The following DNAJC2 variants were observed in gnomAD, a reference collection of about 807,000 sequenced individuals.
DNAJC2 encodes dnaJ homolog subfamily C member 2.
In DNAJC2, 32 loss-of-function variants were observed where a neutral mutation model predicts 94.0. That is an observed-to-expected ratio of 0.34 (90% CI 0.26 to 0.46). The LOEUF is 0.46. DNAJC2 is among the 20% of genes least tolerant of loss of function. The pLI is 1.00. For missense variants in DNAJC2, 550 were observed against 719.5 expected (o/e 0.76, Z 2.69); for synonymous variants, 210 against 229.7 (o/e 0.91, Z 0.77).
chr7:103,338,141 G>A (rs909754844), intron 2 of DNAJC2, among the ~76,000 whole-genome samples: 1 of 151,994 alleles, frequency 6.6e-6, no homozygotes, highest in East Asian at 1.9e-4. Flanking sequence ...GTGGTGGTGT[G>A]CACCTGTAGT....
intron 1 of DNAJC2, among the ~76,000 whole-genome samples, chr7:103,343,019 G>A (rs1819444902): frequency 6.6e-6 from 1 of 151,776 alleles, no homozygotes; most frequent in Non-Finnish European, 1.5e-5. Flanking sequence ...TATTTTTTGA[G>A]ACGGAGTTTT....
chr7:103,320,526 C>T (rs901767487), intron 10 of DNAJC2, among the ~76,000 whole-genome samples: 1 of 151,568 alleles, frequency 6.6e-6, no homozygotes, highest in South Asian at 2.1e-4. Flanking sequence ...TTTGGGAGGC[C>T]GAGGCAGGCG....
intron 3 of DNAJC2, among the ~76,000 whole-genome samples, chr7:103,331,124 T>C (rs1818952256): frequency 6.6e-6 from 1 of 151,828 alleles, no homozygotes; most frequent in Non-Finnish European, 1.5e-5. Flanking sequence ...GCTCAGCTAA[T>C]TTTTGTATTT....
In DNAJC2 at chr7:103,322,621, T is replaced by TG; in HGVS notation, c.822dup (p.Ser275GlnfsTer3). ...AACTTTTTTATCCTTGGATCACAGC[T>TG]GTATGCATTGTCTAGCAAAAGAAAA... is the stretch of plus-strand genomic sequence containing the variant. On this transcript the variant is annotated frameshift_variant, in exon 9 of 17. Transcript: ENST00000379263. LOFTEE classifies it high-confidence loss of function. 1 of 1,613,184 alleles carries TG rather than the reference T, an allele frequency of 6.2e-7. No individual in the cohort carries two copies. Among genetic ancestry groups the TG allele is most frequent in the Non-Finnish European group, 8.5e-7 (1 of 1,179,762 alleles).
chr7:103,338,348 G>A (rs554478263), intron 2 of DNAJC2, among the ~76,000 whole-genome samples: 1 of 150,086 alleles, frequency 6.7e-6, no homozygotes, highest in Non-Finnish European at 1.5e-5. Flanking sequence ...CCAGGCTGGA[G>A]TGCAGTGGTG....
chr7:103,341,990 T>A, intron 1 of DNAJC2, 36 bp from the exon 2 acceptor site: 2 of 1,448,302 alleles, frequency 1.4e-6, no homozygotes, highest in Non-Finnish European at 9.2e-7. Context: ...CTTCAGTGTA[T>A]CGCATGGAAT....
intron 1 of DNAJC2, among the ~76,000 whole-genome samples, chr7:103,342,497 G>T (rs1819411473): frequency 6.6e-6 from 1 of 151,726 alleles, no homozygotes; most frequent in Admixed American, 6.6e-5. Flanking sequence ...TAGAGATGGG[G>T]TTTCTCCATG....
intron 3 of DNAJC2, among the ~76,000 whole-genome samples, chr7:103,334,818 T>C (rs1819103634): frequency 6.6e-6 from 1 of 152,056 alleles, no homozygotes. Flanking sequence ...TCAGAAACAG[T>C]GACAAATATT....
Position 103,315,798 on chromosome 7 carries a change from T to C in DNAJC2, c.1602A>G (p.Gln534=). The C allele has an allele frequency of 1.2e-6, 2 of 1,613,898 alleles. No homozygotes were observed. Among genetic ancestry groups the C allele is most frequent in the South Asian group, 2.2e-5 (2 of 91,030 alleles). Residue 534 remains glutamine (Q), a synonymous_variant, in exon 15 of 17, where the codon CAA becomes CAG. Transcript: ENST00000379263. Reference sequence around the variant, plus strand: ...GTTCTGAAGGCGTTGCGTTGTCTGCTTGAGGTACCACTCCATGTTCTTTTT... The same window carrying C: ...GTTCTGAAGGCGTTGCGTTGTCTGCCTGAGGTACCACTCCATGTTCTTTTT... ...KFKKEHGVVP[Q]ADNATPSERF... is the part of the protein sequence containing the mutation.
intron 15 of DNAJC2, chr7:103,313,360 C>A: frequency 8.8e-7 from 1 of 1,140,360 alleles, no homozygotes; most frequent in South Asian, 3.9e-5. Flanking sequence ...CTGTTTATCT[C>A]TTAAAAATCA....
chr7:103,325,879 A>G (rs1484325310), intron 5 of DNAJC2, among the ~76,000 whole-genome samples: 1 of 152,180 alleles, frequency 6.6e-6, no homozygotes, highest in African/African-American at 2.4e-5. Flanking sequence ...TCAACTGACA[A>G]TGAGTCAGAG....
chr7:103,327,690 T>C lies in DNAJC2; in HGVS notation c.396A>G (p.Glu132=). The change falls in exon 4 of 17, where the codon GAA becomes GAG. Residue 132 remains glutamate (E), a synonymous_variant. Coordinates refer to ENST00000379263, the MANE Select transcript of DNAJC2 (RefSeq NM_014377.3). The part of the protein sequence containing the change: ...KRKAAGEPIK[E]GDNDYFTCIT... ...TGCAAGTGAAGTAGTCATTATCTCC[T>C]TCTTTTATTGGTTCACCAGCTGCTT... 6.2e-7 allele frequency: 1 copy of C among 1,613,202 alleles called. No individual in the cohort carries two copies. The highest frequency in any genetic ancestry group is 8.5e-7 in the Non-Finnish European group (1 of 1,179,402).
Position 103,319,828 on chromosome 7 carries a change from G to A in DNAJC2, c.1100C>T (p.Ser367Phe). Residue 367 changes from serine (S) to phenylalanine (F), a missense_variant, in exon 11 of 17, where the codon TCT becomes TTT. Transcript: ENST00000379263. ...RNSCKTWNHF[S>F]DNEAERVKMM... ...TTTAACCCGCTCTGCCTCATTATCAGAAAAATGATTCCAGGTCTAAAAGCA... is the reference window on the plus strand; with the variant it reads ...TTTAACCCGCTCTGCCTCATTATCAAAAAAATGATTCCAGGTCTAAAAGCA... The A allele has an allele frequency of 6.2e-7, 1 of 1,614,060 alleles. No homozygotes were observed. Among genetic ancestry groups the A allele is most frequent in the Non-Finnish European group, 8.5e-7 (1 of 1,180,012 alleles).
chr7:103,326,262 A>G (rs1328472772), intron 5 of DNAJC2, among the ~76,000 whole-genome samples: 3 of 152,248 alleles, frequency 2.0e-5, no homozygotes, highest in Admixed American at 1.3e-4. Context: ...ACAGGTGTGA[A>G]CCACTGTGCC....
rs1293670582 is a variant in DNAJC2 at position 103,322,743 on chromosome 7, T to C, written c.771A>G (p.Gln257=). The part of the protein sequence containing the change: ...IEKQNRATRA[Q]RKKEEMNRIR... ...TTCTGTTCATTTCTTCTTTTTTTCT[T>C]TGTGCTCTTGTTGCTCTGTTCTGCT... is the stretch of plus-strand genomic sequence containing the variant. The change falls in exon 8 of 17, where the codon CAA becomes CAG. Residue 257 remains glutamine (Q), a synonymous_variant. Coordinates refer to ENST00000379263, the MANE Select transcript of DNAJC2 (RefSeq NM_014377.3). 1 of 1,610,356 alleles carries C rather than the reference T, an allele frequency of 6.2e-7. No individual in the cohort carries two copies. Among genetic ancestry groups the C allele is most frequent in the South Asian group, 1.1e-5 (1 of 91,056 alleles).
intron 3 of DNAJC2, 175 bp downstream of exon 3, chr7:103,337,561 T>G: frequency 1.8e-6 from 1 of 562,108 alleles, no homozygotes; most frequent in Non-Finnish European, 3.1e-6. Flanking sequence ...TGGATTGCTT[T>G]CTTCTGATTC....
At chr7:103,327,316 TA>T in intron 4 of DNAJC2, 1 of 1,260,390 alleles carries the variant, frequency 7.9e-7, no homozygotes, top group Non-Finnish European at 1.0e-6. Context: ...TTCTCATCAT[TA>T]AATAGAACAC....
intron 6 of DNAJC2, 98 bp from the exon 7 acceptor site, chr7:103,323,761 C>T: frequency 2.1e-6 from 2 of 944,996 alleles, no homozygotes; most frequent in South Asian, 2.1e-5. Context: ...GATACCTTTC[C>T]TTCCCTTCTA....
intron 2 of DNAJC2, among the ~76,000 whole-genome samples, chr7:103,339,659 T>C (rs118047848): frequency 1.2e-3 from 178 of 152,070 alleles, no homozygotes; most frequent in Non-Finnish European, 2.2e-3. Context: ...TGGAGTGCAG[T>C]GGCACGATCT....
Sources: gnomAD v4.1 joint callset for allele counts (sites outside exome capture counted in the v4.1 genomes callset) on GRCh38, gnomAD v4.1.1 for gene constraint, MANE v1.5 for transcripts, NCBI Gene and HGNC (gene_info 2026-07-23, HGNC 2026-07-21) for gene names.